Variants in ARHGEF7 observed in about 807,000 individuals in gnomAD.
The protein encoded by ARHGEF7 is PAK-interacting exchange factor beta.
A neutral mutation model predicts 109.8 loss-of-function variants in ARHGEF7; 33 were observed. That is an observed-to-expected ratio of 0.30 (90% CI 0.23 to 0.40). The LOEUF (loss-of-function observed/expected upper bound fraction) is 0.40, where lower values mean the gene tolerates loss of function less well. Ranked by LOEUF, ARHGEF7 falls within the 10% of genes least tolerant of loss-of-function variation. The pLI, the probability that ARHGEF7 is intolerant of heterozygous loss-of-function variation, is 1.00. For synonymous variants in ARHGEF7, 458 were observed against 424.6 expected (o/e 1.08, Z -0.97); for missense variants, 938 against 1,098.5 (o/e 0.85, Z 2.07).
chr13:111,291,523 G>A (rs1053710034), intron 18 of ARHGEF7, among the ~76,000 whole-genome samples: 15 of 152,268 alleles, frequency 9.9e-5, no homozygotes, highest in Non-Finnish European at 2.2e-4. Context: ...TGCCCTCTGA[G>A]TTCTCACAGT....
intron 1 of ARHGEF7, among the ~76,000 whole-genome samples, chr13:111,138,891 G>A (rs1268097072): frequency 1.3e-5 from 2 of 152,188 alleles, no homozygotes; most frequent in Non-Finnish European, 2.9e-5. Context: ...TCCTTTTCTA[G>A]ATGGTTCATT....
intron 5 of ARHGEF7, among the ~76,000 whole-genome samples, chr13:111,226,942 C>G (rs1397394426): frequency 6.6e-6 from 1 of 152,164 alleles, no homozygotes; most frequent in East Asian, 1.9e-4. Context: ...GACATTGATT[C>G]TAACCCTGAT....
chr13:111,207,246 G>A (rs2082003546), intron 3 of ARHGEF7, among the ~76,000 whole-genome samples: 1 of 152,194 alleles, frequency 6.6e-6, no homozygotes. Context: ...TCAGCTCACT[G>A]AAGCCTCAGC....
rs1039417669 is a variant in ARHGEF7, at chr13:111,266,039, G to A, written c.951-1509G>A. Among the ~76,000 whole-genome samples the A allele has an allele frequency of 1.3e-5, 2 of 152,174 alleles. No homozygotes were observed. The highest frequency in any genetic ancestry group is 2.9e-5 in the Non-Finnish European group (2 of 68,018). ...TTAGACCCAGGCTCCAGCCACCTTT[G>A]TGTTGGATGCTGACGTCTTTCATTT... On this transcript the variant is annotated intron_variant, in intron 8 of 21. Transcript: ENST00000646102. The surrounding 1 kb of genome is among the most constrained non-coding windows in gnomAD (Gnocchi z 4.8).
At chr13:111,220,162 G>A (rs1030331586) in intron 5 of ARHGEF7, among the ~76,000 whole-genome samples, 1 of 152,242 alleles carries the variant, frequency 6.6e-6, no homozygotes, top group African/African-American at 2.4e-5. Context: ...ACCAATGAGA[G>A]CAGCCCTGGG....
At chr13:111,130,033 A>G (rs1417041166) in intron 1 of ARHGEF7, among the ~76,000 whole-genome samples, 1 of 152,258 alleles carries the variant, frequency 6.6e-6, no homozygotes, top group African/African-American at 2.4e-5. Context: ...GTAATGGAAC[A>G]CGGCTCAGCA....
At chr13:111,142,766 T>C (rs1170422650) in intron 1 of ARHGEF7, among the ~76,000 whole-genome samples, 1 of 152,224 alleles carries the variant, frequency 6.6e-6, no homozygotes, top group Non-Finnish European at 1.5e-5. Context: ...AATGGCTCCC[T>C]CCTGCTTCAC....
intron 1 of ARHGEF7, among the ~76,000 whole-genome samples, chr13:111,147,907 C>T (rs1003353002): frequency 3.4e-4 from 52 of 151,886 alleles, no homozygotes; most frequent in Non-Finnish European, 6.6e-4. Flanking sequence ...CCGTTTTAGC[C>T]GGGATGGTCT....
chr13:111,135,364 G>A (rs1471335567), intron 1 of ARHGEF7, among the ~76,000 whole-genome samples: 1 of 152,058 alleles, frequency 6.6e-6, no homozygotes, highest in African/African-American at 2.4e-5. Flanking sequence ...GATGGGGATG[G>A]CATTGAATCT....
chr13:111,162,066 G>A (rs1243428463), intron 2 of ARHGEF7, among the ~76,000 whole-genome samples: 2 of 152,154 alleles, frequency 1.3e-5, no homozygotes, highest in Non-Finnish European at 2.9e-5. Flanking sequence ...CAAAGGTGGG[G>A]GCTTTCAAAG....
At chr13:111,223,009 AGTT>A (rs1203466984) in intron 5 of ARHGEF7, among the ~76,000 whole-genome samples, 2 of 152,222 alleles carry the variant, frequency 1.3e-5, no homozygotes, top group South Asian at 2.1e-4. Context: ...TTTCATTATT[AGTT>A]GTTGTTAATC....
intron 1 of ARHGEF7, among the ~76,000 whole-genome samples, chr13:111,150,907 C>T (rs932179049): frequency 6.6e-6 from 1 of 152,156 alleles, no homozygotes; most frequent in Non-Finnish European, 1.5e-5. Context: ...AAGGTTTTTG[C>T]CCTAGAGATA....
rs1193221157 is a variant in ARHGEF7 at position 111,292,177 on chromosome 13, C to G, written c.2194C>G (p.Leu732Val). The change falls in exon 19 of 22, where the codon CTA (leucine) becomes GTA (valine). Residue 732 changes from leucine (L) to valine (V), a missense_variant. Leu to Val is a conservative substitution (Grantham distance 32). This residue lies in a region of ARHGEF7 where 166 missense variants were observed against 167.3 expected (regional missense o/e 0.99). Transcript: ENST00000646102. ...HVLADDDQPS[L>V]DSLGRRSSLS... The stretch of plus-strand genomic sequence containing the variant: ...CTTGGCTGATGATGACCAACCAAGC[C>G]TAGACTCCCTGGGGCGTCGCAGTAG... The G allele has an allele frequency of 6.2e-7, 1 of 1,613,890 alleles. No individual in the cohort carries two copies. The highest frequency in any genetic ancestry group is 1.1e-5 in the South Asian group (1 of 91,052).
intron 6 of ARHGEF7, among the ~76,000 whole-genome samples, chr13:111,240,618 A>G (rs78417428): frequency 5.5e-4 from 83 of 152,278 alleles, no homozygotes; most frequent in African/African-American, 1.7e-3. Context: ...CTTGTAATGT[A>G]CTTTTTGAAA....
chr13:111,194,836 A>G (rs892879961), intron 2 of ARHGEF7, among the ~76,000 whole-genome samples: 1 of 152,206 alleles, frequency 6.6e-6, no homozygotes, highest in Non-Finnish European at 1.5e-5. Context: ...GCAAAGAGAA[A>G]CTGTGAGTCA....
chr13:111,123,050 T>C lies in ARHGEF7; in HGVS notation c.165+7359T>C, dbSNP rs546874889. The stretch of plus-strand genomic sequence containing the variant: ...AGAAGTGGCCCCAATTCTCCAACCC[T>C]CCCATGCCCCTGGCAAAGTGACCTT... On this transcript the variant is annotated intron_variant, in intron 1 of 21. Transcript: ENST00000646102. Among the ~76,000 whole-genome samples, 116 of 152,222 alleles carry C rather than the reference T, an allele frequency of 7.6e-4. 1 individual carries two copies. In the South Asian group the frequency reaches 0.018, roughly 23 times the overall value.
chr13:111,223,756 G>T (rs2084791853), intron 5 of ARHGEF7, among the ~76,000 whole-genome samples: 1 of 151,998 alleles, frequency 6.6e-6, no homozygotes, highest in South Asian at 2.1e-4. Context: ...TATTATTCCT[G>T]AATATGTACA....
chr13:111,240,340 G>A (rs1566931860), intron 6 of ARHGEF7, among the ~76,000 whole-genome samples: 4 of 152,220 alleles, frequency 2.6e-5, no homozygotes, highest in Admixed American at 1.3e-4. Flanking sequence ...AAAAGATACA[G>A]CATCATAAAA....
chr13:111,166,050 C>G (rs79298501), intron 2 of ARHGEF7, among the ~76,000 whole-genome samples: 1,978 of 152,252 alleles, frequency 0.013, 40 homozygotes, highest in African/African-American at 0.045. Context: ...GTTCATCTTC[C>G]TTTTACTAAC....
Sources: allele counts gnomAD v4.1 joint callset (sites outside exome capture counted in the v4.1 genomes callset), GRCh38; gene constraint gnomAD v4.1.1; regional missense constraint gnomAD v4.1.1; non-coding constraint Gnocchi (gnomAD v3.1); transcripts MANE v1.5; gene names NCBI Gene and HGNC (gene_info 2026-07-23, HGNC 2026-07-21).